The following RANBP17 variants were observed in gnomAD, a reference collection of about 807,000 sequenced individuals.
The protein encoded by RANBP17 is RAN binding protein 17, also known as ran-binding protein 17.
In RANBP17, 158 loss-of-function variants were observed where a neutral mutation model predicts 141.2. The observed-to-expected ratio is 1.12, with a 90% CI of 0.98 to 1.28. The LOEUF (loss-of-function observed/expected upper bound fraction) is 1.28, where lower values mean the gene tolerates loss of function less well. Ranked by LOEUF, RANBP17 falls within the 50% of genes most tolerant of loss-of-function variation. RANBP17 has a pLI of 0.00. For missense variants in RANBP17, 1,438 were observed against 1,290.7 expected (o/e 1.11, Z -1.75); for synonymous variants, 430 against 450.0 (o/e 0.96, Z 0.56).
intron 20 of RANBP17, among the ~76,000 whole-genome samples, chr5:171,211,481 C>T (rs754648122): frequency 7.2e-5 from 11 of 152,096 alleles, no homozygotes; most frequent in Admixed American, 3.3e-4. Flanking sequence ...AGGCTGGTCT[C>T]GAACCCTTGG....
intron 12 of RANBP17, among the ~76,000 whole-genome samples, chr5:170,938,990 A>G (rs1234991320): frequency 6.6e-6 from 1 of 152,242 alleles, no homozygotes; most frequent in East Asian, 1.9e-4. Context: ...TAGTCAAACT[A>G]TATAACCCCA....
At chr5:171,086,275 T>A (rs1785645708) in intron 14 of RANBP17, among the ~76,000 whole-genome samples, 1 of 145,056 alleles carries the variant, frequency 6.9e-6, no homozygotes, top group African/African-American at 2.5e-5. Context: ...TTTATTGATT[T>A]GCGTATATTG....
At chr5:171,064,184 T>C (rs1417950943) in intron 14 of RANBP17, among the ~76,000 whole-genome samples, 1 of 152,240 alleles carries the variant, frequency 6.6e-6, no homozygotes, top group East Asian at 1.9e-4. Flanking sequence ...CTGCGCCCAC[T>C]GTCTGGCACT....
intron 14 of RANBP17, among the ~76,000 whole-genome samples, chr5:171,103,740 C>T (rs188512866): frequency 2.3e-3 from 356 of 152,252 alleles, no homozygotes; most frequent in African/African-American, 7.8e-3. Flanking sequence ...TGTAGGCACC[C>T]GAGAGAATCT....
At chr5:170,881,075 C>A (rs545040035) in intron 2 of RANBP17, among the ~76,000 whole-genome samples, 6 of 145,294 alleles carry the variant, frequency 4.1e-5, no homozygotes, top group Non-Finnish European at 9.1e-5. Context: ...ATACAGATTT[C>A]ATATATTTTT....
At position 170,919,483 on chromosome 5, in the gene RANBP17, CTG is replaced by C. The variant is rs1459324263; in HGVS notation, c.1147_1148del (p.Trp383AlafsTer14). On this transcript the variant is annotated frameshift_variant, in exon 11 of 28. Transcript: ENST00000523189. LOFTEE classifies it high-confidence loss of function. ...TAACAGTGTTCATTATTTATTAACTCTGTGGCAAAGGATGGTAGCATCTGTTC... is the reference window on the plus strand; with the variant it reads ...TAACAGTGTTCATTATTTATTAACTCTGGCAAAGGATGGTAGCATCTGTTC... ...APNSVHYLLT[L>X]WQRMVASVPF... The C allele has an allele frequency of 6.2e-7, 1 of 1,609,240 alleles. No homozygotes were observed. The highest frequency in any genetic ancestry group is 2.2e-5 in the East Asian group (1 of 44,756).
chr5:171,042,534 G>C (rs1319985645), intron 14 of RANBP17, among the ~76,000 whole-genome samples: 1 of 152,008 alleles, frequency 6.6e-6, no homozygotes, highest in Non-Finnish European at 1.5e-5. Flanking sequence ...ATTAATGCTG[G>C]TGTGTTGTTT....
chr5:171,221,861 G>A (rs984241435), intron 22 of RANBP17, 21 bp downstream of exon 22: 11 of 1,333,058 alleles, frequency 8.3e-6, no homozygotes, highest in African/African-American at 2.9e-5. Context: ...TTTTCCATAT[G>A]TGCCTCTGCA....
chr5:171,241,113 C>CTGCT lies in RANBP17; in HGVS notation c.2609_2612dup (p.Ser872AlafsTer7), dbSNP rs755829533. The CTGCT allele has an allele frequency of 1.2e-5, 20 of 1,613,292 alleles. No individual in the cohort carries two copies. Among genetic ancestry groups the CTGCT allele is most frequent in the Non-Finnish European group, 1.7e-5 (20 of 1,179,540 alleles). The stretch of plus-strand genomic sequence containing the variant: ...TGTACTCCAGGCTTTTGTCAAAATG[C>CTGCT]TGCTGTCAGTGTCCCACAGTGACTT... On this transcript the variant is annotated frameshift_variant, in exon 23 of 28. Transcript: ENST00000523189. LOFTEE classifies it high-confidence loss of function.
At chr5:171,012,104 A>AT (rs1561986301) in intron 14 of RANBP17, among the ~76,000 whole-genome samples, 4 of 151,790 alleles carry the variant, frequency 2.6e-5, no homozygotes, top group East Asian at 1.9e-4. Context: ...AACAAATAAT[A>AT]CATTTGTTTA....
rs1442451874 is a variant in RANBP17, at chr5:171,265,837, T to G, written c.2933T>G (p.Val978Gly). 1 of 1,612,982 alleles carries G rather than the reference T, an allele frequency of 6.2e-7. No homozygotes were observed. Among genetic ancestry groups the G allele is most frequent in the South Asian group, 1.1e-5 (1 of 90,732 alleles). The change falls in exon 25 of 28, where the codon GTC becomes GGC. Residue 978 changes from valine (V) to glycine (G), a missense_variant. Transcript: ENST00000523189. ...CATTTTATGCAGCAAAACCCAGATG[T>G]CCTGCAGCAGGTAACTGGTGGTTGA... ...LLHFMQQNPDVLQQMMSVLMN... is the reference protein window; with the variant it reads ...LLHFMQQNPDGLQQMMSVLMN...
chr5:171,124,940 T>C (rs1364773768), intron 14 of RANBP17, among the ~76,000 whole-genome samples: 5 of 152,136 alleles, frequency 3.3e-5, no homozygotes, highest in Non-Finnish European at 7.4e-5. Flanking sequence ...ACATAAAAAG[T>C]AGGACCCAAC....
rs201206737 is a variant in RANBP17 at position 171,132,377 on chromosome 5, GT to G, written c.1711-37740del. ...GCAAGTTGTTTTTCTGACTTTAGTT[GT>G]TTTTTTTTTTTTAATTGTCTGCAGG... On this transcript the variant is annotated intron_variant, in intron 14 of 27. Transcript: ENST00000523189. Among the ~76,000 whole-genome samples, 322 of 142,974 alleles carry G rather than the reference GT, an allele frequency of 2.3e-3. 2 individuals are homozygous for G. Among genetic ancestry groups the G allele is most frequent in the South Asian group, 0.016 (70 of 4,508 alleles). 93.8% of individuals were successfully genotyped at this position (142,974 alleles called of 152,430 possible).
intron 10 of RANBP17, 130 bp from the exon 11 acceptor site, chr5:170,919,306 CTATAT>C (rs994399971): frequency 6.8e-5 from 38 of 561,734 alleles, no homozygotes; most frequent in Middle Eastern, 9.8e-4. Context: ...TATAAATTTG[CTATAT>C]TATGTGTTCA....
At chr5:170,922,441 G>A (rs1772542088) in intron 11 of RANBP17, among the ~76,000 whole-genome samples, 1 of 152,166 alleles carries the variant, frequency 6.6e-6, no homozygotes, top group Admixed American at 6.5e-5. Context: ...CCCAAGAGGT[G>A]GAATCTACAG....
At chr5:171,199,819 A>G (rs981652436) in intron 19 of RANBP17, 46 bp downstream of exon 19, 19 of 1,189,370 alleles carry the variant, frequency 1.6e-5, no homozygotes, top group Non-Finnish European at 2.1e-5. Context: ...TGTTTTTTCT[A>G]GGATATCTAG....
intron 14 of RANBP17, among the ~76,000 whole-genome samples, chr5:171,069,663 G>C (rs914019118): frequency 6.6e-6 from 1 of 152,174 alleles, no homozygotes; most frequent in African/African-American, 2.4e-5. Context: ...AATAGAGTTT[G>C]TGTTAGGTGC....
At chr5:171,115,753 G>A (rs755650505) in intron 14 of RANBP17, among the ~76,000 whole-genome samples, 4 of 152,120 alleles carry the variant, frequency 2.6e-5, no homozygotes, top group Admixed American at 1.3e-4. Context: ...GGTAAATATC[G>A]TTAGCTTAGA....
intron 24 of RANBP17, chr5:171,252,540 C>G: frequency 7.1e-7 from 1 of 1,409,052 alleles, no homozygotes; most frequent in Non-Finnish European, 1.0e-6. Context: ...AGGAAGCACA[C>G]AAACGGAGGA....
Sources: allele counts gnomAD v4.1 joint callset (sites outside exome capture counted in the v4.1 genomes callset), GRCh38; gene constraint gnomAD v4.1.1; transcripts MANE v1.5; gene names NCBI Gene and HGNC (gene_info 2026-07-23, HGNC 2026-07-21).